PDE4D: variants seen among roughly 807,000 people sequenced by gnomAD.
PDE4D encodes phosphodiesterase 4D.
Under a neutral mutation model 87.4 loss-of-function variants are expected in PDE4D, and 24 were observed. The observed-to-expected ratio is 0.27, with a 90% confidence interval of 0.20 to 0.39. PDE4D has a LOEUF of 0.39. PDE4D is among the 10% of genes least tolerant of loss of function. PDE4D has a pLI of 1.00. For synonymous variants in PDE4D, 384 were observed against 383.2 expected (o/e 1.00, Z -0.02); for missense variants, 714 against 1,041.0 (o/e 0.69, Z 4.32).
At chr5:59,825,869 C>T (rs534514606) in intron 1 of PDE4D, among the ~76,000 whole-genome samples, 3 of 152,290 alleles carry the variant, frequency 2.0e-5, no homozygotes, top group East Asian at 3.9e-4. Context: ...AGGACACTTA[C>T]TCAATTGTTC....
At chr5:59,177,315 C>T (rs745492656) in intron 5 of PDE4D, among the ~76,000 whole-genome samples, 3 of 152,192 alleles carry the variant, frequency 2.0e-5, no homozygotes, top group Non-Finnish European at 4.4e-5. Context: ...TTTGTGTTGT[C>T]TATAAGCCAC....
At chr5:59,392,717 C>A (rs1050247842) in intron 1 of PDE4D, among the ~76,000 whole-genome samples, 1 of 152,012 alleles carries the variant, frequency 6.6e-6, no homozygotes, top group Non-Finnish European at 1.5e-5. Flanking sequence ...ATATCTATAC[C>A]CTCCTTGCCC....
At chr5:60,409,489 A>G (rs9291689) in intron 1 of PDE4D, among the ~76,000 whole-genome samples, 1 of 151,960 alleles carries the variant, frequency 6.6e-6, no homozygotes, top group Non-Finnish European at 1.5e-5. Flanking sequence ...TCCAAGGGTA[A>G]AAACAATCTA....
At chr5:59,969,992 C>G (rs1443762343) in intron 3 of PDE4D, among the ~76,000 whole-genome samples, 3 of 152,172 alleles carry the variant, frequency 2.0e-5, no homozygotes, top group African/African-American at 7.2e-5. Context: ...ACAACAAAGA[C>G]AGTAACTTCT....
chr5:60,279,225 T>C (rs1041723695), intron 1 of PDE4D, among the ~76,000 whole-genome samples: 2 of 152,128 alleles, frequency 1.3e-5, no homozygotes, highest in East Asian at 1.9e-4. Context: ...CTTGTTATCA[T>C]AGGGCAGTGG....
At chr5:60,471,234 G>C (rs985616443) in intron 1 of PDE4D, among the ~76,000 whole-genome samples, 1 of 152,158 alleles carries the variant, frequency 6.6e-6, no homozygotes, top group African/African-American at 2.4e-5. Flanking sequence ...ATTAGAAGTG[G>C]AGCCTGAAGA....
intron 2 of PDE4D, among the ~76,000 whole-genome samples, chr5:60,157,566 G>A (rs1782085573): frequency 6.6e-6 from 1 of 152,164 alleles, no homozygotes; most frequent in Non-Finnish European, 1.5e-5. Context: ...CACTTAAGGA[G>A]AAATATTTGT....
At chr5:60,058,135 T>C (rs1770987378) in intron 2 of PDE4D, among the ~76,000 whole-genome samples, 1 of 151,986 alleles carries the variant, frequency 6.6e-6, no homozygotes, top group Admixed American at 6.6e-5. Context: ...GGTGGGAATT[T>C]AAAGCCTCCT....
chr5:58,995,203 T>C (rs1748930390), intron 6 of PDE4D, among the ~76,000 whole-genome samples: 1 of 152,130 alleles, frequency 6.6e-6, no homozygotes, highest in African/African-American at 2.4e-5. Context: ...AAAATGTACA[T>C]GTGCTATAGA....
chr5:59,566,581 T>TACA (rs1583152031), intron 1 of PDE4D, among the ~76,000 whole-genome samples: 1 of 145,284 alleles, frequency 6.9e-6, no homozygotes, highest in African/African-American at 2.6e-5. Context: ...TGTGTGTGTG[T>TACA]GTGAGAGAAT....
chr5:59,549,139 A>G (rs1817720407), intron 1 of PDE4D, among the ~76,000 whole-genome samples: 1 of 152,188 alleles, frequency 6.6e-6, no homozygotes, highest in South Asian at 2.1e-4. Context: ...TAAGGCAAAT[A>G]AAATATGTTC....
intron 1 of PDE4D, among the ~76,000 whole-genome samples, chr5:60,305,010 A>T (rs1356212328): frequency 6.7e-6 from 1 of 149,618 alleles, no homozygotes; most frequent in African/African-American, 2.5e-5. Flanking sequence ...TATATATTTG[A>T]TTCTCTAGTT....
chr5:59,372,531 A>G (rs1784083693), intron 1 of PDE4D, among the ~76,000 whole-genome samples: 2 of 152,222 alleles, frequency 1.3e-5, no homozygotes, highest in African/African-American at 2.4e-5. Context: ...AAATTATTTG[A>G]AAAGTAAACA....
chr5:59,836,271 A>G (rs1016874157), intron 1 of PDE4D, among the ~76,000 whole-genome samples: 1 of 152,144 alleles, frequency 6.6e-6, no homozygotes, highest in African/African-American at 2.4e-5. Context: ...CATGTTTTAA[A>G]TGATGGCCCT....
At chr5:59,243,536 T>C (rs1026581065) in intron 1 of PDE4D, among the ~76,000 whole-genome samples, 1 of 134,116 alleles carries the variant, frequency 7.5e-6, no homozygotes, top group East Asian at 2.5e-4. Flanking sequence ...CTTGGCTCAC[T>C]GCAACCTCTG....
At chr5:59,335,801 C>G (rs1391506159) in intron 1 of PDE4D, among the ~76,000 whole-genome samples, 1 of 152,134 alleles carries the variant, frequency 6.6e-6, no homozygotes, top group Non-Finnish European at 1.5e-5. Context: ...CAATCAGGGG[C>G]ATTGTTCATA....
intron 1 of PDE4D, among the ~76,000 whole-genome samples, chr5:59,376,345 A>G (rs1582234722): frequency 1.3e-5 from 2 of 152,358 alleles, no homozygotes; most frequent in East Asian, 1.9e-4. Context: ...GTTTCAGGAT[A>G]TGAAATTAAT....
chr5:59,708,905 CTTT>C (rs1163498058), intron 1 of PDE4D, among the ~76,000 whole-genome samples: 2 of 135,312 alleles, frequency 1.5e-5, no homozygotes, highest in Non-Finnish European at 1.6e-5. Context: ...TCTCATCTGG[CTTT>C]TTTTTTTTTT....
At chr5:59,882,140 A>T (rs1354929090) in intron 1 of PDE4D, among the ~76,000 whole-genome samples, 2 of 152,200 alleles carry the variant, frequency 1.3e-5, no homozygotes, top group Non-Finnish European at 2.9e-5. Flanking sequence ...CATATTCTAC[A>T]TGAGGGGCAT....
Sources: gnomAD v4.1 joint callset for allele counts (sites outside exome capture counted in the v4.1 genomes callset) on GRCh38, gnomAD v4.1.1 for gene constraint, MANE v1.5 for transcripts, NCBI Gene and HGNC (gene_info 2026-07-23, HGNC 2026-07-21) for gene names.